SRGAP2: variants seen among roughly 807,000 people sequenced by gnomAD.
The protein encoded by SRGAP2 is SLIT-ROBO Rho GTPase-activating protein 2.
Under a neutral mutation model 57.2 loss-of-function variants are expected in SRGAP2, and 15 were observed. The ratio of observed to expected loss-of-function variants is 0.26; its 90% CI spans 0.18 to 0.40. SRGAP2 has a LOEUF of 0.40. SRGAP2 is among the 10% of genes least tolerant of loss of function. SRGAP2 has a pLI of 1.00. For synonymous variants in SRGAP2, 249 were observed against 248.0 expected (o/e 1.00, Z -0.04); for missense variants, 520 against 669.6 (o/e 0.78, Z 2.47).
intron 11 of SRGAP2, among the ~76,000 whole-genome samples, chr1:206,418,844 C>T (rs1553363060): frequency 2.0e-5 from 3 of 151,848 alleles, no homozygotes; most frequent in African/African-American, 7.3e-5. Flanking sequence ...TCTCTGTTCT[C>T]TCCCGCAAAC....
intron 2 of SRGAP2, among the ~76,000 whole-genome samples, chr1:206,268,629 G>A (rs1670022829): frequency 6.7e-6 from 1 of 149,376 alleles, no homozygotes; most frequent in Non-Finnish European, 1.5e-5. Flanking sequence ...ATAAATAATT[G>A]GGAGTCAAAG....
At position 206,454,818 on chromosome 1, in the gene SRGAP2, CT is replaced by C. The variant is rs1663680898; in HGVS notation, c.2361-59del. 1 of 705,596 alleles carries C rather than the reference CT, an allele frequency of 1.4e-6. No individual in the cohort carries two copies. Among genetic ancestry groups the C allele is most frequent in the South Asian group, 1.6e-5 (1 of 61,824 alleles). The allele number at this position is 705,596 out of a possible 1,614,324, so 43.7% of individuals were successfully genotyped here. A position where few individuals can be genotyped will look rare whatever the true frequency, so the allele number is the denominator to read the frequency against. ...GGGGGGCCATCTTGCCGATTTAACG[CT>C]GCTTTTTGTGTTGTTGTTGTTTTCC... is the stretch of plus-strand genomic sequence containing the variant. On this transcript the variant is annotated intron_variant, in intron 20 of 22. Coordinates refer to ENST00000573034, the MANE Select transcript of SRGAP2 (RefSeq NM_015326.5). This position sits in a 1 kb window ranked among gnomAD's most constrained non-coding sequence, Gnocchi z 4.3.
At chr1:206,436,540 G>A (rs74513053) in intron 14 of SRGAP2, among the ~76,000 whole-genome samples, 1,921 of 151,530 alleles carry the variant, frequency 0.013, 24 homozygotes, top group South Asian at 0.027. Flanking sequence ...ATTTTTTAGA[G>A]ACAGGGTCTC....
chr1:206,421,666 A>G (rs781998745), intron 13 of SRGAP2, among the ~76,000 whole-genome samples: 29 of 152,238 alleles, frequency 1.9e-4, no homozygotes, highest in Non-Finnish European at 3.7e-4. Context: ...TCTCGCTTTA[A>G]GTTGGCAGAT....
At chr1:206,327,891 TGGTGCGCTGC>T (rs1674075543) in intron 3 of SRGAP2, among the ~76,000 whole-genome samples, 1 of 96,560 alleles carries the variant, frequency 1.0e-5, no homozygotes. Context: ...TGTGCCATGC[TGGTGCGCTGC>T]ACCCACTAAC....
chr1:206,247,427 A>G (rs1428515469), intron 2 of SRGAP2, among the ~76,000 whole-genome samples: 1 of 150,778 alleles, frequency 6.6e-6, no homozygotes, highest in Non-Finnish European at 1.5e-5. Flanking sequence ...TGGTTGCCCA[A>G]CTCTGAAGCC....
intron 2 of SRGAP2, among the ~76,000 whole-genome samples, chr1:206,248,101 G>A (rs569864067): frequency 4.5e-4 from 69 of 152,072 alleles, no homozygotes; most frequent in Non-Finnish European, 9.4e-4. Context: ...GCTTCACAGA[G>A]GAAGTGAAGC....
At chr1:206,356,821 T>G (rs782734137) in intron 4 of SRGAP2, among the ~76,000 whole-genome samples, 8 of 148,944 alleles carry the variant, frequency 5.4e-5, no homozygotes, top group Non-Finnish European at 1.2e-4. Flanking sequence ...CTCTGGTCTT[T>G]TAGTTTTTCT....
intron 2 of SRGAP2, among the ~76,000 whole-genome samples, chr1:206,292,590 AT>A (rs1464706108): frequency 1.3e-3 from 188 of 148,912 alleles, no homozygotes; most frequent in African/African-American, 4.6e-3. Flanking sequence ...TTGCTGTCTT[AT>A]TTAAATACTC....
At chr1:206,321,889 CATT>C (rs1412396283) in intron 3 of SRGAP2, among the ~76,000 whole-genome samples, 1 of 152,132 alleles carries the variant, frequency 6.6e-6, no homozygotes, top group East Asian at 1.9e-4. Flanking sequence ...TGGAGTTGAC[CATT>C]TTTTCAGAGA....
chr1:206,210,631 T>C (rs1182733623), intron 2 of SRGAP2, among the ~76,000 whole-genome samples: 1 of 149,988 alleles, frequency 6.7e-6, no homozygotes, highest in Admixed American at 6.6e-5. Context: ...TGTTGATGGC[T>C]GGTATATAAA....
At chr1:206,452,603 G>T (rs1009028815) in intron 19 of SRGAP2, among the ~76,000 whole-genome samples, 7 of 152,324 alleles carry the variant, frequency 4.6e-5, no homozygotes, top group East Asian at 3.9e-4. Flanking sequence ...GAAAGCAGGG[G>T]ATGCGGTCGG....
At chr1:206,443,400 GT>G (rs1159116733) in intron 17 of SRGAP2, among the ~76,000 whole-genome samples, 2 of 152,132 alleles carry the variant, frequency 1.3e-5, no homozygotes, top group Admixed American at 6.5e-5. Flanking sequence ...TTGAGATGGA[GT>G]TTTGCTCTTG....
At chr1:206,335,484 G>T (rs1236424329) in intron 3 of SRGAP2, among the ~76,000 whole-genome samples, 1 of 150,340 alleles carries the variant, frequency 6.7e-6, no homozygotes, top group Non-Finnish European at 1.5e-5. Flanking sequence ...TAAGATGTGG[G>T]TTGTGGCTGA....
chr1:206,254,305 C>T (rs1268945766), intron 2 of SRGAP2, among the ~76,000 whole-genome samples: 30 of 144,536 alleles, frequency 2.1e-4, no homozygotes, highest in Middle Eastern at 3.4e-3. Context: ...GTTTCATCTA[C>T]TTCAATCTCC....
intron 3 of SRGAP2, among the ~76,000 whole-genome samples, chr1:206,329,790 C>G (rs1334890997): frequency 1.3e-4 from 18 of 140,380 alleles, no homozygotes; most frequent in South Asian, 2.4e-4. Context: ...AATTGAATAC[C>G]CTTTATTTCC....
intron 2 of SRGAP2, among the ~76,000 whole-genome samples, chr1:206,267,929 A>G (rs1345031030): frequency 1.1e-4 from 16 of 151,360 alleles, no homozygotes; most frequent in Admixed American, 5.3e-4. Flanking sequence ...AAATGGATTT[A>G]TATCTTCAAA....
chr1:206,449,906 A>G (rs1663118499), intron 18 of SRGAP2, among the ~76,000 whole-genome samples: 1 of 152,224 alleles, frequency 6.6e-6, no homozygotes, highest in South Asian at 2.1e-4. Context: ...TATCTTCAGT[A>G]TATAGATGAG....
chr1:206,347,268 C>A (rs1203765400), intron 4 of SRGAP2, among the ~76,000 whole-genome samples: 13 of 150,734 alleles, frequency 8.6e-5, no homozygotes, highest in South Asian at 4.2e-4. Flanking sequence ...AAAAAAAAAA[C>A]AACAAAAAAA....
Sources: allele counts gnomAD v4.1 joint callset (sites outside exome capture counted in the v4.1 genomes callset), GRCh38; gene constraint gnomAD v4.1.1; non-coding constraint Gnocchi (gnomAD v3.1); transcripts MANE v1.5; gene names NCBI Gene and HGNC (gene_info 2026-07-23, HGNC 2026-07-21).